Variants in NIPSNAP1 observed in about 807,000 individuals in gnomAD.
NIPSNAP1 encodes protein NipSnap homolog 1.
A neutral mutation model predicts 49.2 loss-of-function variants in NIPSNAP1; 25 were observed. The observed-to-expected ratio is 0.51, with a 90% confidence interval of 0.37 to 0.71. NIPSNAP1 has a LOEUF of 0.71. Ranked by LOEUF, NIPSNAP1 falls within the 30% of genes least tolerant of loss-of-function variation. The pLI, the probability that NIPSNAP1 is intolerant of heterozygous loss-of-function variation, is 0.00. For synonymous variants in NIPSNAP1, 143 were observed against 140.7 expected, an observed-to-expected ratio of 1.02 and a Z score of -0.12; for missense variants, 294 against 361.0, an observed-to-expected ratio of 0.81 and a Z score of 1.50.
chr22:29,572,341 T>C (rs1270899358), intron 1 of NIPSNAP1, among the ~76,000 whole-genome samples: 1 of 128,866 alleles, frequency 7.8e-6, no homozygotes, highest in Non-Finnish European at 1.7e-5. Context: ...GTCTTGCAAA[T>C]AAAAAATCAA....
intron 1 of NIPSNAP1, among the ~76,000 whole-genome samples, chr22:29,574,133 G>A (rs1315354659): frequency 6.6e-6 from 1 of 150,872 alleles, no homozygotes; most frequent in Non-Finnish European, 1.5e-5. Flanking sequence ...GTGGTGATGT[G>A]TGCCTGTAGT....
intron 1 of NIPSNAP1, chr22:29,580,291 C>T: frequency 8.1e-7 from 1 of 1,240,164 alleles, no homozygotes; most frequent in Non-Finnish European, 1.0e-6. Flanking sequence ...AGGGGCTGCC[C>T]AGGGCCAGTC....
At chr22:29,574,289 A>AAGAAAAAAAAAG (rs2064434384) in intron 1 of NIPSNAP1, among the ~76,000 whole-genome samples, 2 of 125,266 alleles carry the variant, frequency 1.6e-5, no homozygotes, top group African/African-American at 6.6e-5. Flanking sequence ...AAAAAAAAAA[A>AAGAAAAAAAAAG]AAAGAAAGAA....
chr22:29,577,106 C>T (rs941910686), intron 1 of NIPSNAP1, among the ~76,000 whole-genome samples: 7 of 149,314 alleles, frequency 4.7e-5, no homozygotes, highest in East Asian at 1.9e-4. Flanking sequence ...TTTCTTTTTT[C>T]GAGACAGGGT....
At chr22:29,558,346 G>A (rs992821513) in intron 9 of NIPSNAP1, among the ~76,000 whole-genome samples, 1 of 152,060 alleles carries the variant, frequency 6.6e-6, no homozygotes, top group Admixed American at 6.6e-5. Context: ...ACACACGCCT[G>A]TAATCCCAGC....
intron 2 of NIPSNAP1, 43 bp downstream of exon 2, chr22:29,570,362 G>A (rs776316039): frequency 6.2e-7 from 1 of 1,613,710 alleles, no homozygotes; most frequent in Non-Finnish European, 8.5e-7. Context: ...GGCCCCCAGA[G>A]CCCCTGAAAG....
At chr22:29,558,445 G>C (rs2064310990) in intron 9 of NIPSNAP1, among the ~76,000 whole-genome samples, 1 of 151,782 alleles carries the variant, frequency 6.6e-6, no homozygotes, top group Non-Finnish European at 1.5e-5. Context: ...CTCCACCCTG[G>C]GTGACAGAGT....
chr22:29,560,858 A>C (rs2064330556), intron 7 of NIPSNAP1, 30 bp from the exon 8 acceptor site: 4 of 1,599,936 alleles, frequency 2.5e-6, no homozygotes, highest in Non-Finnish European at 3.4e-6. Flanking sequence ...ATGGGGCAGA[A>C]GCCAGGGCTG....
At chr22:29,560,899 C>T (rs1263074196) in intron 7 of NIPSNAP1, 71 bp from the exon 8 acceptor site, 10 of 1,414,990 alleles carry the variant, frequency 7.1e-6, no homozygotes, top group Non-Finnish European at 1.0e-5. Flanking sequence ...GATTCCTTGG[C>T]CACACTTCAC....
At chr22:29,567,722 G>A (rs2064377508) in intron 4 of NIPSNAP1, among the ~76,000 whole-genome samples, 1 of 152,020 alleles carries the variant, frequency 6.6e-6, no homozygotes, top group Admixed American at 6.6e-5. Flanking sequence ...TGGGCATTGT[G>A]GCATGCACCT....
intron 1 of NIPSNAP1, among the ~76,000 whole-genome samples, chr22:29,576,267 G>C (rs1476771916): frequency 6.6e-6 from 1 of 150,978 alleles, no homozygotes; most frequent in Non-Finnish European, 1.5e-5. Context: ...TGATCTGCCT[G>C]ACTTGGCCTC....
chr22:29,559,462 G>A (rs1951133071), intron 8 of NIPSNAP1, among the ~76,000 whole-genome samples: 1 of 151,954 alleles, frequency 6.6e-6, no homozygotes, highest in Non-Finnish European at 1.5e-5. Context: ...ACTTGAACTT[G>A]GGAAGCGGAG....
rs1321737591 is a variant in NIPSNAP1 at position 29,581,073 on chromosome 22, G to A, written c.10C>T (p.Arg4Trp). 2 of 1,541,632 alleles carry A rather than the reference G, an allele frequency of 1.3e-6. No homozygotes were observed. Among genetic ancestry groups the A allele is most frequent in the Non-Finnish European group, 1.7e-6 (2 of 1,146,078 alleles). ...GCCGTCACAGAGATGCTGCACAGCC[G>A]CGGAGCCATGTTGGAGCCGCAAAGG... MAP[R>W]LCSISVTARR... The change falls in exon 1 of 10, where the codon CGG (arginine) becomes TGG (tryptophan). Residue 4 changes from arginine (R) to tryptophan (W), a missense_variant. By Grantham distance (101) the Arg-to-Trp change is moderately radical. Transcript: ENST00000216121.
intron 1 of NIPSNAP1, among the ~76,000 whole-genome samples, chr22:29,575,916 G>A (rs1057190024): frequency 1.3e-5 from 2 of 151,612 alleles, no homozygotes; most frequent in Non-Finnish European, 2.9e-5. Context: ...TTTTCACCAT[G>A]TTAGCCAGGC....
At chr22:29,577,612 G>A (rs1489723510) in intron 1 of NIPSNAP1, among the ~76,000 whole-genome samples, 1 of 151,194 alleles carries the variant, frequency 6.6e-6, no homozygotes, top group African/African-American at 2.5e-5. Context: ...TAGAGACAGG[G>A]TTTCACCACG....
At chr22:29,569,478 C>A (rs571198970) in intron 3 of NIPSNAP1, among the ~76,000 whole-genome samples, 191 bp from the exon 4 acceptor site, 1 of 151,998 alleles carries the variant, frequency 6.6e-6, no homozygotes, top group African/African-American at 2.4e-5. Flanking sequence ...CACAGTGGCT[C>A]ACACCTGTAA....
At position 29,555,608 on chromosome 22, in the gene NIPSNAP1, CAAGGGTGAT is replaced by C. The variant is rs370656327; in HGVS notation, c.*318_*326del. ...GCAACTAAGCTAAACAGAGGATTTC[CAAGGGTGAT>C]AACTGGGGACTGGTGGCCTTGAGAT... On this transcript the variant is annotated 3_prime_UTR_variant, in exon 10 of 10. Coordinates refer to ENST00000216121, the MANE Select transcript of NIPSNAP1 (RefSeq NM_003634.4). 287 of 351,276 alleles carry C rather than the reference CAAGGGTGAT, an allele frequency of 8.2e-4. 3 individuals are homozygous for C. Among genetic ancestry groups the C allele is most frequent in the African/African-American group, 5.5e-3 (260 of 47,416 alleles). 21.8% of individuals were successfully genotyped at this position (351,276 alleles called of 1,614,324 possible). A position where few individuals can be genotyped will look rare whatever the true frequency, so the allele number is the denominator to read the frequency against.
At chr22:29,572,628 C>T (rs1403209985) in intron 1 of NIPSNAP1, among the ~76,000 whole-genome samples, 1 of 151,896 alleles carries the variant, frequency 6.6e-6, no homozygotes, top group African/African-American at 2.4e-5. Flanking sequence ...ACTTGTGAGA[C>T]CGTGTCTCTA....
intron 9 of NIPSNAP1, among the ~76,000 whole-genome samples, chr22:29,556,304 C>A (rs2064293857): frequency 6.6e-6 from 1 of 152,160 alleles, no homozygotes; most frequent in Admixed American, 6.5e-5. Flanking sequence ...ACAGGCGGAT[C>A]ACCTGAGGTC....
Sources: gnomAD v4.1 joint callset for allele counts (sites outside exome capture counted in the v4.1 genomes callset) on GRCh38, gnomAD v4.1.1 for gene constraint, MANE v1.5 for transcripts, NCBI Gene and HGNC (gene_info 2026-07-23, HGNC 2026-07-21) for gene names.